The following ERC1 variants were observed in gnomAD, a reference collection of about 807,000 sequenced individuals.
ERC1 encodes the protein RAB6 interacting protein 2.
A neutral mutation model predicts 132.0 loss-of-function variants in ERC1; 56 were observed. That is an observed-to-expected ratio of 0.42 (90% CI 0.34 to 0.53). ERC1 has a LOEUF of 0.53. ERC1 is among the 20% of genes least tolerant of loss of function. The probability of loss-of-function intolerance (pLI) is 0.03; values close to 1 mark genes in which losing one functional copy is unlikely to be tolerated. For missense variants in ERC1, 1,202 were observed against 1,349.9 expected (o/e 0.89, Z 1.72); for synonymous variants, 478 against 476.1 (o/e 1.00, Z -0.05).
intron 15 of ERC1, among the ~76,000 whole-genome samples, chr12:1,301,963 C>T (rs953623669): frequency 1.5e-4 from 23 of 152,106 alleles, no homozygotes; most frequent in Admixed American, 1.4e-3. Flanking sequence ...AACTCATTCA[C>T]AAAATAAAGA....
chr12:1,449,053 T>C (rs928240687), intron 18 of ERC1, among the ~76,000 whole-genome samples: 3 of 152,224 alleles, frequency 2.0e-5, no homozygotes, highest in Non-Finnish European at 4.4e-5. Context: ...CTTTAAGGTT[T>C]AATGACTGCC....
At chr12:1,148,414 T>C (rs755161769) in intron 8 of ERC1, among the ~76,000 whole-genome samples, 8 of 152,064 alleles carry the variant, frequency 5.3e-5, no homozygotes, top group Non-Finnish European at 1.0e-4. Flanking sequence ...ATCTTGTATA[T>C]TTTTTCTTTG....
chr12:1,304,338 T>A (rs1176462977), intron 15 of ERC1, among the ~76,000 whole-genome samples: 3 of 152,126 alleles, frequency 2.0e-5, no homozygotes. Flanking sequence ...TATATGAAAA[T>A]GTTTCTCAGA....
At chr12:1,401,748 TAAA>T (rs60523460) in intron 16 of ERC1, among the ~76,000 whole-genome samples, 1,797 of 115,284 alleles carry the variant, frequency 0.016, 43 homozygotes, top group African/African-American at 0.049. Flanking sequence ...GGGAGGGCGG[TAAA>T]AAAAAAAAAA....
intron 17 of ERC1, among the ~76,000 whole-genome samples, chr12:1,428,501 G>C (rs540460529): frequency 2.0e-5 from 3 of 152,216 alleles, no homozygotes; most frequent in African/African-American, 7.2e-5. Context: ...CTTCTAGAAT[G>C]TTATATCATG....
chr12:1,146,385 C>G (rs1009134092), intron 8 of ERC1, among the ~76,000 whole-genome samples: 2 of 118,840 alleles, frequency 1.7e-5, no homozygotes, highest in Non-Finnish European at 1.6e-5. Context: ...AGCTTGGTAA[C>G]TATTGATGTG....
chr12:1,064,993 T>C (rs1324175020), intron 2 of ERC1, among the ~76,000 whole-genome samples: 2 of 152,122 alleles, frequency 1.3e-5, no homozygotes, highest in Admixed American at 6.5e-5. Flanking sequence ...TCTGAGTTTT[T>C]TCTTTTTTTT....
At chr12:1,401,283 A>G (rs2091047283) in intron 16 of ERC1, among the ~76,000 whole-genome samples, 1 of 152,110 alleles carries the variant, frequency 6.6e-6, no homozygotes, top group African/African-American at 2.4e-5. Flanking sequence ...TTCTCTCAAA[A>G]ATTGAAGAAG....
chr12:1,313,030 A>G (rs2081421769), intron 15 of ERC1, among the ~76,000 whole-genome samples: 1 of 152,128 alleles, frequency 6.6e-6, no homozygotes, highest in Non-Finnish European at 1.5e-5. Flanking sequence ...GAAAAGATTA[A>G]TAGAATAAGG....
intron 8 of ERC1, among the ~76,000 whole-genome samples, chr12:1,160,845 C>G (rs1951819594): frequency 6.6e-6 from 1 of 152,190 alleles, no homozygotes; most frequent in Non-Finnish European, 1.5e-5. Flanking sequence ...ATGCTCCTGC[C>G]TTGGCCTCCC....
intron 15 of ERC1, among the ~76,000 whole-genome samples, chr12:1,369,562 G>C (rs543355025): frequency 6.6e-6 from 1 of 152,280 alleles, no homozygotes; most frequent in East Asian, 1.9e-4. Flanking sequence ...AAAGCATGCT[G>C]CCTCTTCCAG....
intron 2 of ERC1, among the ~76,000 whole-genome samples, chr12:1,074,810 T>C (rs1043159416): frequency 6.6e-6 from 1 of 152,194 alleles, no homozygotes; most frequent in Non-Finnish European, 1.5e-5. Context: ...AATTCTAGTG[T>C]AATTGCTCAT....
chr12:1,372,192 T>C (rs2087322436), intron 16 of ERC1, among the ~76,000 whole-genome samples: 1 of 152,224 alleles, frequency 6.6e-6, no homozygotes. Flanking sequence ...TTTTGGACAA[T>C]GTCACAGGTC....
chr12:1,180,453 CTG>C, intron 8 of ERC1, 85 bp from the exon 9 acceptor site: 4 of 1,243,502 alleles, frequency 3.2e-6, no homozygotes, highest in Non-Finnish European at 4.6e-6. Context: ...CCTGAGCTAT[CTG>C]TTTTCAAATT....
chr12:1,060,184 T>A (rs1236880003), intron 2 of ERC1, among the ~76,000 whole-genome samples: 1 of 151,780 alleles, frequency 6.6e-6, no homozygotes, highest in Admixed American at 6.6e-5. Context: ...TCTTTTTTTT[T>A]TACTATTATA....
At chr12:1,145,878 C>T (rs562843350) in intron 8 of ERC1, among the ~76,000 whole-genome samples, 20 of 152,224 alleles carry the variant, frequency 1.3e-4, no homozygotes, top group African/African-American at 4.8e-4. Flanking sequence ...GATCAGTTGG[C>T]AGTAAGTGTC....
chr12:1,053,533 G>C (rs1972409935), intron 2 of ERC1, among the ~76,000 whole-genome samples: 1 of 152,200 alleles, frequency 6.6e-6, no homozygotes, highest in Non-Finnish European at 1.5e-5. Context: ...AAGGGCTTTG[G>C]AAAGTATGGA....
In ERC1 at chr12:1,027,934, G is replaced by A. The variant is rs763176873; in HGVS notation, c.31G>A (p.Val11Met). Residue 11 changes from valine (V) to methionine (M), a missense_variant, in exon 2 of 19, where the codon GTG (valine) becomes ATG (methionine). Physicochemically the swap from Val to Met is conservative, Grantham distance 21 (BLOSUM62 1). Transcript: ENST00000360905. MYGSARSVGK[V>M]EPSSQSPGRS... The stretch of plus-strand genomic sequence containing the variant: ...TGGAAGTGCCCGCTCTGTTGGGAAG[G>A]TGGAGCCGAGCAGCCAGAGCCCTGG... 1.2e-6 allele frequency: 2 copies of A among 1,611,808 alleles called. No homozygotes were observed. Among genetic ancestry groups the A allele is most frequent in the South Asian group, 1.1e-5 (1 of 90,974 alleles).
At chr12:1,362,456 C>G (rs567813187) in intron 15 of ERC1, among the ~76,000 whole-genome samples, 1 of 152,190 alleles carries the variant, frequency 6.6e-6, no homozygotes, top group Admixed American at 6.5e-5. Context: ...CTGTCTCTCT[C>G]TCTCTCTCTC....
Sources: allele counts gnomAD v4.1 joint callset (sites outside exome capture counted in the v4.1 genomes callset), GRCh38; gene constraint gnomAD v4.1.1; transcripts MANE v1.5; gene names NCBI Gene and HGNC (gene_info 2026-07-23, HGNC 2026-07-21).